Variants in ZNF536 observed in about 807,000 individuals in gnomAD.
The protein encoded by ZNF536 is zinc finger protein 536.
A neutral mutation model predicts 84.5 loss-of-function variants in ZNF536; 13 were observed. The observed-to-expected ratio is 0.15, with a 90% CI of 0.10 to 0.24. The LOEUF (loss-of-function observed/expected upper bound fraction) is 0.24. ZNF536 is among the 10% of genes least tolerant of loss of function. The pLI is 1.00. For synonymous variants in ZNF536, 811 were observed against 742.5 expected, an observed-to-expected ratio of 1.09 and a Z score of -1.50; for missense variants, 1,536 against 1,747.5, an observed-to-expected ratio of 0.88 and a Z score of 2.16.
Position 30,664,210 on chromosome 19 carries a change from CTCTCTCTCTCTCT to C in ZNF536, c.170-46546_170-46534del, listed in dbSNP as rs1568650273. On this transcript the variant is annotated intron_variant, in intron 1 of 1. Transcript: ENST00000592773. ...GAGGAATTCTTGCTGAGTTTTCTCTCTCTCTCTCTCTCTCTCTCTCTCTCTCTCTCTCTCTCTC... is the reference window on the plus strand; with the variant it reads ...GAGGAATTCTTGCTGAGTTTTCTCTCCTCTCTCTCTCTCTCTCTCTCTCTC... Among the ~76,000 whole-genome samples the C allele has an allele frequency of 3.8e-3, 31 of 8,154 alleles. No homozygotes were observed. In the East Asian group the frequency reaches 0.057, roughly 15 times the overall value. The allele number at this position is 8,154 out of a possible 152,430, so 5.3% of individuals were successfully genotyped here.
chr19:30,592,737 C>G (rs1031195656), intron 1 of ZNF536, among the ~76,000 whole-genome samples: 2 of 152,006 alleles, frequency 1.3e-5, no homozygotes, highest in African/African-American at 4.8e-5. Flanking sequence ...CTTTACCCCC[C>G]ATTTGCCAGC....
At chr19:30,478,416 C>A (rs2053939354) in intron 2 of ZNF536, among the ~76,000 whole-genome samples, 1 of 151,976 alleles carries the variant, frequency 6.6e-6, no homozygotes, top group African/African-American at 2.4e-5. Flanking sequence ...GGGGCCCATT[C>A]AGAGCCTGAG....
intron 1 of ZNF536, among the ~76,000 whole-genome samples, chr19:30,283,739 GAGGGA>G (rs2045534000): frequency 1.4e-5 from 2 of 141,800 alleles, no homozygotes; most frequent in African/African-American, 5.6e-5. Flanking sequence ...AAGAGAGAGA[GAGGGA>G]GAGAGAGAGA....
intron 2 of ZNF536, among the ~76,000 whole-genome samples, chr19:30,495,656 C>T (rs1192259227): frequency 1.3e-5 from 2 of 152,222 alleles, no homozygotes; most frequent in East Asian, 1.9e-4. Context: ...CAAGACAGAA[C>T]TTGGGACCAG....
chr19:30,699,716 C>G (rs2051816938), intron 1 of ZNF536, among the ~76,000 whole-genome samples: 1 of 152,192 alleles, frequency 6.6e-6, no homozygotes, highest in African/African-American at 2.4e-5. Flanking sequence ...CACTGAGCCT[C>G]TTGAAGCTGA....
intron 2 of ZNF536, among the ~76,000 whole-genome samples, chr19:30,317,946 T>C (rs1286134979): frequency 6.6e-6 from 1 of 152,218 alleles, no homozygotes; most frequent in Non-Finnish European, 1.5e-5. Flanking sequence ...CTAGAAGCAA[T>C]GTTACGCAAA....
chr19:30,326,813 T>TTTG (rs1781803651), intron 2 of ZNF536, among the ~76,000 whole-genome samples: 3 of 139,176 alleles, frequency 2.2e-5, no homozygotes, highest in African/African-American at 8.1e-5. Context: ...TTTTTTTTTT[T>TTTG]TTTTTGTTTT....
chr19:30,322,218 C>T (rs1156914709), intron 2 of ZNF536, among the ~76,000 whole-genome samples: 1 of 152,110 alleles, frequency 6.6e-6, no homozygotes, highest in African/African-American at 2.4e-5. Flanking sequence ...GTAATAGCTG[C>T]CGTTTTTCAT....
At chr19:30,413,357 G>A (rs1407199547) in intron 1 of ZNF536, among the ~76,000 whole-genome samples, 1 of 152,034 alleles carries the variant, frequency 6.6e-6, no homozygotes, top group Non-Finnish European at 1.5e-5. Flanking sequence ...TACATTAAAG[G>A]TTATAAAGTC....
intron 1 of ZNF536, among the ~76,000 whole-genome samples, chr19:30,250,295 C>A (rs2024531783): frequency 6.6e-6 from 1 of 152,226 alleles, no homozygotes; most frequent in South Asian, 2.1e-4. Context: ...AAGACCCTAA[C>A]CCTTTCCCCT....
At chr19:30,591,442 G>A (rs1398074314) in intron 1 of ZNF536, among the ~76,000 whole-genome samples, 1 of 152,214 alleles carries the variant, frequency 6.6e-6, no homozygotes, top group Non-Finnish European at 1.5e-5. Context: ...CATGGCGGCA[G>A]GTGAGAGAGC....
At chr19:30,476,525 T>C (rs2053852706) in intron 2 of ZNF536, among the ~76,000 whole-genome samples, 1 of 152,222 alleles carries the variant, frequency 6.6e-6, no homozygotes, top group Non-Finnish European at 1.5e-5. Context: ...GCAATAAATG[T>C]CAAACTGTTC....
chr19:30,712,135 A>T (rs2052471789), exon 2 of ZNF536: 1 of 152,208 alleles, frequency 6.6e-6, no homozygotes, highest in African/African-American at 2.4e-5. Context: ...TTGTAAAACA[A>T]ATGTGTTCTA....
At chr19:30,628,634 T>C (rs1213909963) in intron 1 of ZNF536, among the ~76,000 whole-genome samples, 1 of 152,034 alleles carries the variant, frequency 6.6e-6, no homozygotes, top group African/African-American at 2.4e-5. Context: ...TTTCACCATG[T>C]TAGCCAGGAT....
intron 2 of ZNF536, among the ~76,000 whole-genome samples, chr19:30,467,647 C>G (rs1016514605): frequency 1.3e-5 from 2 of 152,232 alleles, no homozygotes; most frequent in African/African-American, 2.4e-5. Context: ...GAAGGCCATT[C>G]ATTCATGGAT....
chr19:30,228,580 ATT>A lies in ZNF536; in HGVS notation c.-272_-271del, dbSNP rs397959066. Reference sequence around the variant, plus strand: ...GTCCGGAGTCCATTTGCATAATTGGATTTTTTTTTTTTGCCTCCTTCTTTCTC... The same window carrying A: ...GTCCGGAGTCCATTTGCATAATTGGATTTTTTTTTTGCCTCCTTCTTTCTC... On this transcript the variant is annotated 5_prime_UTR_variant, in exon 1 of 6. Coordinates refer to the ZNF536 transcript ENST00000585628. The surrounding 1 kb of genome is among the most constrained non-coding windows in gnomAD (Gnocchi z 4.5). 5.5e-5 allele frequency: 8 copies of A among 145,578 alleles called. No homozygotes were observed. Among genetic ancestry groups the A allele is most frequent in the East Asian group, 2.0e-4 (1 of 4,970 alleles). The allele number at this position is 145,578 out of a possible 1,614,324, so 9.0% of individuals were successfully genotyped here. A position where few individuals can be genotyped will look rare whatever the true frequency, so the allele number is the denominator to read the frequency against.
chr19:30,629,148 C>T (rs2048796035), intron 1 of ZNF536, among the ~76,000 whole-genome samples: 1 of 152,174 alleles, frequency 6.6e-6, no homozygotes, highest in South Asian at 2.1e-4. Context: ...TCACTGAAGG[C>T]TTGCTCAGTG....
intron 1 of ZNF536, among the ~76,000 whole-genome samples, chr19:30,570,313 G>A (rs2046500598): frequency 6.6e-6 from 1 of 152,144 alleles, no homozygotes; most frequent in South Asian, 2.1e-4. Context: ...AAGCCGGGTG[G>A]GCTGGAAGGC....
At chr19:30,360,184 C>A (rs573956063) in intron 3 of ZNF536, among the ~76,000 whole-genome samples, 1 of 152,176 alleles carries the variant, frequency 6.6e-6, no homozygotes, top group Non-Finnish European at 1.5e-5. Flanking sequence ...CGAGCTTGGG[C>A]GTAGTGAAAG....
Sources: gnomAD v4.1 joint callset for allele counts (sites outside exome capture counted in the v4.1 genomes callset) on GRCh38, gnomAD v4.1.1 for gene constraint, Gnocchi (gnomAD v3.1) non-coding constraint, MANE v1.5 for transcripts, NCBI Gene and HGNC (gene_info 2026-07-23, HGNC 2026-07-21) for gene names.